AGBL4: variants seen among roughly 807,000 people sequenced by gnomAD.
AGBL4 encodes cytosolic carboxypeptidase 6.
AGBL4 carries 58 observed loss-of-function variants against 66.4 expected under a neutral mutation model. The ratio of observed to expected loss-of-function variants is 0.87; its 90% confidence interval spans 0.71 to 1.09. The LOEUF is 1.09. Among genes scored for constraint, AGBL4 ranks in the 50% least tolerant of loss-of-function variants. AGBL4 has a pLI of 0.00. For missense variants in AGBL4, 579 were observed against 631.0 expected, an observed-to-expected ratio of 0.92 and a Z score of 0.88; for synonymous variants, 234 against 222.9, an observed-to-expected ratio of 1.05 and a Z score of -0.44.
chr1:49,597,585 C>G (rs985710080), intron 3 of AGBL4, among the ~76,000 whole-genome samples: 1 of 152,148 alleles, frequency 6.6e-6, no homozygotes, highest in Admixed American at 6.5e-5. Context: ...GAAGGAAAGA[C>G]AAAGTGATGC....
intron 2 of AGBL4, among the ~76,000 whole-genome samples, chr1:49,778,290 C>T (rs1226129292): frequency 1.3e-5 from 2 of 152,130 alleles, no homozygotes; most frequent in African/African-American, 4.8e-5. Flanking sequence ...ACTCATAGAA[C>T]AGAGGTGTCA....
intron 4 of AGBL4, among the ~76,000 whole-genome samples, chr1:49,213,386 C>T (rs1257572412): frequency 2.0e-5 from 3 of 152,034 alleles, no homozygotes; most frequent in Admixed American, 2.0e-4. Context: ...GAGGTGGGGC[C>T]TGGTGGGAGA....
intron 1 of AGBL4, among the ~76,000 whole-genome samples, chr1:49,851,760 C>T (rs966889183): frequency 6.6e-6 from 1 of 152,132 alleles, no homozygotes; most frequent in Non-Finnish European, 1.5e-5. Flanking sequence ...AGTATCTTTA[C>T]ACTTCAGTTC....
At chr1:50,023,150 G>T (rs1662572960) in intron 1 of AGBL4, among the ~76,000 whole-genome samples, 1 of 152,096 alleles carries the variant, frequency 6.6e-6, no homozygotes, top group African/African-American at 2.4e-5. Context: ...GGGGCTCCGG[G>T]TATCCCCTCA....
chr1:48,971,120 C>T (rs1272673591), intron 5 of AGBL4, among the ~76,000 whole-genome samples: 1 of 152,146 alleles, frequency 6.6e-6, no homozygotes, highest in Non-Finnish European at 1.5e-5. Flanking sequence ...AAACCCCCAG[C>T]CTTGGACAGG....
intron 3 of AGBL4, among the ~76,000 whole-genome samples, chr1:49,461,835 T>C (rs1474783241): frequency 6.6e-6 from 1 of 151,848 alleles, no homozygotes; most frequent in East Asian, 1.9e-4. Context: ...TTCCATTATG[T>C]ATACGTGTCA....
At chr1:48,687,782 C>A (rs111397147) in intron 6 of AGBL4, among the ~76,000 whole-genome samples, 24 of 152,316 alleles carry the variant, frequency 1.6e-4, no homozygotes, top group African/African-American at 5.8e-4. Context: ...GGCCCTGGAC[C>A]AGCACCCTCG....
intron 5 of AGBL4, among the ~76,000 whole-genome samples, chr1:49,002,910 T>G (rs188911517): frequency 2.6e-5 from 4 of 152,172 alleles, no homozygotes; most frequent in African/African-American, 9.7e-5. Flanking sequence ...TGCAGGGTTG[T>G]GTATAGACCA....
At chr1:48,958,138 G>A (rs958935288) in intron 5 of AGBL4, among the ~76,000 whole-genome samples, 1 of 152,008 alleles carries the variant, frequency 6.6e-6, no homozygotes, top group Non-Finnish European at 1.5e-5. Flanking sequence ...GATTACAGGC[G>A]TGAGCCACTG....
At chr1:49,870,148 T>C (rs1445981701) in intron 1 of AGBL4, among the ~76,000 whole-genome samples, 1 of 152,196 alleles carries the variant, frequency 6.6e-6, no homozygotes, top group Non-Finnish European at 1.5e-5. Context: ...TGAGGAAATA[T>C]CATGTAACTG....
chr1:49,435,243 AT>A (rs1191296947), intron 3 of AGBL4, among the ~76,000 whole-genome samples: 1 of 152,196 alleles, frequency 6.6e-6, no homozygotes, highest in Non-Finnish European at 1.5e-5. Flanking sequence ...AGTGCTTAGA[AT>A]TTTAATTTGC....
At chr1:48,852,545 G>A (rs527926808) in intron 6 of AGBL4, among the ~76,000 whole-genome samples, 3 of 152,274 alleles carry the variant, frequency 2.0e-5, no homozygotes, top group East Asian at 3.9e-4. Context: ...TGTGATATAA[G>A]CTGGAAACTA....
intron 5 of AGBL4, among the ~76,000 whole-genome samples, chr1:48,898,806 A>T (rs1259102372): frequency 6.6e-6 from 1 of 152,118 alleles, no homozygotes; most frequent in Non-Finnish European, 1.5e-5. Context: ...TTTTAGAATG[A>T]TGCCCTTTGT....
At chr1:49,440,359 C>A (rs563976828) in intron 3 of AGBL4, among the ~76,000 whole-genome samples, 1 of 152,158 alleles carries the variant, frequency 6.6e-6, no homozygotes, top group African/African-American at 2.4e-5. Context: ...TGAGCCACTG[C>A]GCCCAGCCAG....
At position 49,168,167 on chromosome 1, in the gene AGBL4, T is replaced by A. The variant is rs1428865616; in HGVS notation, c.377+77603A>T. Among the ~76,000 whole-genome samples the A allele has an allele frequency of 3.3e-5, 5 of 151,962 alleles. No individual in the cohort carries two copies. The East Asian group carries it at 5.8e-4, about 18-fold the overall frequency. The stretch of plus-strand genomic sequence containing the variant: ...TAAGAACACTAAACCATGCCTATAT[T>A]TTTTTTTAAATAAATTCTAGATTTT... On this transcript the variant is annotated intron_variant, in intron 4 of 13. Coordinates refer to ENST00000371839, the MANE Select transcript of AGBL4 (RefSeq NM_032785.4).
chr1:48,711,457 G>C (rs753524249), intron 6 of AGBL4, among the ~76,000 whole-genome samples: 4 of 152,182 alleles, frequency 2.6e-5, no homozygotes, highest in Non-Finnish European at 4.4e-5. Flanking sequence ...AATGTGACTT[G>C]TCTGCATACA....
chr1:49,247,864 T>G (rs1651767429), intron 3 of AGBL4, among the ~76,000 whole-genome samples: 1 of 152,144 alleles, frequency 6.6e-6, no homozygotes, highest in Non-Finnish European at 1.5e-5. Context: ...TAGCCCGATT[T>G]TAGATGTGAG....
intron 9 of AGBL4, among the ~76,000 whole-genome samples, chr1:48,630,051 T>C (rs926946789): frequency 1.3e-5 from 2 of 152,134 alleles, no homozygotes. Context: ...ACCCTTTCCC[T>C]GGGGGACAAT....
chr1:49,851,455 G>C lies in AGBL4; in HGVS notation c.98C>G (p.Thr33Ser). Reference protein sequence around the residue: ...GNVSKYIVLPTGYCGQPKKGH... With the variant: ...GNVSKYIVLPSGYCGQPKKGH... The stretch of plus-strand genomic sequence containing the variant: ...TTTCTTGGGCTGTCCACAATAGCCA[G>C]TTGGAAGCACTATATATTTGCTCAC... The change falls in exon 2 of 14, where the codon ACT becomes AGT. Residue 33 changes from threonine to serine, a missense_variant. Physicochemically the swap from Thr to Ser is moderately conservative, Grantham distance 58. Coordinates refer to ENST00000371839, the MANE Select transcript of AGBL4 (RefSeq NM_032785.4). The C allele has an allele frequency of 6.4e-7, 1 of 1,550,602 alleles. No individual in the cohort carries two copies. The highest frequency in any genetic ancestry group is 2.4e-5 in the East Asian group (1 of 40,838).
Sources: allele counts gnomAD v4.1 joint callset (sites outside exome capture counted in the v4.1 genomes callset), GRCh38; gene constraint gnomAD v4.1.1; transcripts MANE v1.5; gene names NCBI Gene and HGNC (gene_info 2026-07-23, HGNC 2026-07-21).